The following SUPT3H variants were observed in gnomAD, a reference collection of about 807,000 sequenced individuals.
The protein encoded by SUPT3H is transcription initiation protein SPT3 homolog.
In SUPT3H, 44 loss-of-function variants were observed where a neutral mutation model predicts 44.3. The ratio of observed to expected loss-of-function variants is 0.99; its 90% CI spans 0.78 to 1.28. The LOEUF (loss-of-function observed/expected upper bound fraction) is 1.28, where lower values mean the gene tolerates loss of function less well. SUPT3H is among the 50% of genes most tolerant of loss of function. SUPT3H has a pLI of 0.00. For synonymous variants in SUPT3H, 124 were observed against 125.6 expected (o/e 0.99, Z 0.09); for missense variants, 380 against 387.1 (o/e 0.98, Z 0.15).
chr6:45,198,284 G>A (rs1816419426), intron 2 of SUPT3H, among the ~76,000 whole-genome samples: 3 of 151,116 alleles, frequency 2.0e-5, no homozygotes. Context: ...CAAATACTGA[G>A]TGTCATTTTG....
At chr6:45,305,254 C>T (rs1466129217) in intron 2 of SUPT3H, among the ~76,000 whole-genome samples, 1 of 152,178 alleles carries the variant, frequency 6.6e-6, no homozygotes, top group Non-Finnish European at 1.5e-5. Context: ...CATCTCACCA[C>T]CTGTATTACA....
In SUPT3H at chr6:45,216,900, G is replaced by A. The variant is rs149467787; in HGVS notation, c.102-110894C>T. On this transcript the variant is annotated intron_variant, in intron 2 of 10. Coordinates refer to ENST00000371459, the MANE Select transcript of SUPT3H (RefSeq NM_003599.4). ...AAATAAGATAGGCAAAGAAAAATAA[G>A]TACCACATGTTCTCACTCACATGTG... Among the ~76,000 whole-genome samples the A allele has an allele frequency of 7.3e-3, 1,111 of 152,210 alleles. 9 individuals are homozygous for A. The highest frequency in any genetic ancestry group is 0.011 in the Non-Finnish European group (778 of 67,982).
chr6:45,259,528 A>G (rs903696827), intron 2 of SUPT3H, among the ~76,000 whole-genome samples: 6 of 152,108 alleles, frequency 3.9e-5, no homozygotes, highest in South Asian at 2.1e-4. Context: ...GGTTTACTCT[A>G]TATCTATTTT....
intron 9 of SUPT3H, among the ~76,000 whole-genome samples, chr6:44,936,391 A>T (rs1704339802): frequency 6.6e-6 from 1 of 152,212 alleles, no homozygotes; most frequent in Non-Finnish European, 1.5e-5. Context: ...TGATTATGTT[A>T]CATGCATAGA....
intron 10 of SUPT3H, among the ~76,000 whole-genome samples, chr6:44,853,758 C>T (rs1773288322): frequency 6.6e-6 from 1 of 151,644 alleles, no homozygotes; most frequent in Non-Finnish European, 1.5e-5. Flanking sequence ...GAGTGGGAGG[C>T]AAATTATGGG....
At chr6:45,124,477 T>G (rs968788819) in intron 2 of SUPT3H, among the ~76,000 whole-genome samples, 1 of 149,750 alleles carries the variant, frequency 6.7e-6, no homozygotes, top group African/African-American at 2.5e-5. Flanking sequence ...AACCCCCCCC[T>G]CTACTAAAAA....
chr6:45,099,164 G>T, intron 3 of SUPT3H: 1 of 289,064 alleles, frequency 3.5e-6, no homozygotes, highest in Non-Finnish European at 6.9e-6. Context: ...CACCTCAATG[G>T]GACCACCCTT....
chr6:45,208,666 G>A (rs1256843346), intron 2 of SUPT3H, among the ~76,000 whole-genome samples: 3 of 150,704 alleles, frequency 2.0e-5, no homozygotes, highest in African/African-American at 4.9e-5. Flanking sequence ...GGAGGTTGCA[G>A]TGAGTGAAGA....
At chr6:45,061,465 C>T (rs1792016845) in intron 3 of SUPT3H, among the ~76,000 whole-genome samples, 1 of 152,062 alleles carries the variant, frequency 6.6e-6, no homozygotes. Context: ...AGAGGGAGAG[C>T]ATCAGGAAGA....
intron 10 of SUPT3H, among the ~76,000 whole-genome samples, chr6:44,875,336 G>A: frequency 1.8e-5 from 1 of 55,852 alleles, no homozygotes; most frequent in African/African-American, 6.2e-5. Flanking sequence ...AGAGCCCTCA[G>A]AAATAATGCC....
intron 2 of SUPT3H, among the ~76,000 whole-genome samples, chr6:45,150,116 T>C (rs1806689165): frequency 6.6e-6 from 1 of 152,196 alleles, no homozygotes; most frequent in Non-Finnish European, 1.5e-5. Context: ...AAAATAATCA[T>C]GATTTCTTTA....
At chr6:45,096,359 C>T (rs369268386) in intron 3 of SUPT3H, among the ~76,000 whole-genome samples, 112 of 152,078 alleles carry the variant, frequency 7.4e-4, no homozygotes, top group African/African-American at 2.6e-3. Flanking sequence ...ATAGTAAAAT[C>T]GAAAGCTTTA....
At chr6:45,210,669 G>A (rs1258181865) in intron 2 of SUPT3H, among the ~76,000 whole-genome samples, 3 of 152,138 alleles carry the variant, frequency 2.0e-5, no homozygotes, top group Admixed American at 2.0e-4. Flanking sequence ...TGTCTCATGG[G>A]TGCATCCTTA....
chr6:45,193,823 T>C (rs1457957547), intron 2 of SUPT3H, among the ~76,000 whole-genome samples: 3 of 152,182 alleles, frequency 2.0e-5, no homozygotes, highest in African/African-American at 7.2e-5. Flanking sequence ...ATCCCAAAGA[T>C]TGCAATACAG....
chr6:44,986,079 C>G (rs1779751731), intron 6 of SUPT3H, among the ~76,000 whole-genome samples: 1 of 152,100 alleles, frequency 6.6e-6, no homozygotes, highest in Admixed American at 6.5e-5. Flanking sequence ...TTGACATGGC[C>G]AAGCAAAAGT....
At chr6:45,068,499 A>T (rs1369521114) in intron 3 of SUPT3H, among the ~76,000 whole-genome samples, 2 of 152,176 alleles carry the variant, frequency 1.3e-5, no homozygotes, top group East Asian at 3.8e-4. Context: ...ATGGGTAGAG[A>T]TAAGGATAGG....
chr6:45,234,032 G>C (rs957424146), intron 2 of SUPT3H, among the ~76,000 whole-genome samples: 2 of 152,034 alleles, frequency 1.3e-5, no homozygotes, highest in Non-Finnish European at 2.9e-5. Context: ...TCCTTGCAAG[G>C]TATTTGAATA....
chr6:44,912,865 A>G (rs1169895338), intron 10 of SUPT3H, among the ~76,000 whole-genome samples: 4 of 152,202 alleles, frequency 2.6e-5, no homozygotes, highest in Non-Finnish European at 5.9e-5. Flanking sequence ...AGGAGGCACC[A>G]TAGATGTTCA....
At chr6:44,889,298 C>T (rs1433008544) in intron 10 of SUPT3H, among the ~76,000 whole-genome samples, 6 of 151,992 alleles carry the variant, frequency 3.9e-5, no homozygotes, top group Non-Finnish European at 5.9e-5. Flanking sequence ...AAACAGAGCC[C>T]GCATCACCAA....
Sources: gnomAD v4.1 joint callset for allele counts (sites outside exome capture counted in the v4.1 genomes callset) on GRCh38, gnomAD v4.1.1 for gene constraint, MANE v1.5 for transcripts, NCBI Gene and HGNC (gene_info 2026-07-23, HGNC 2026-07-21) for gene names.